The following ZBTB46 variants were observed in gnomAD, a reference collection of about 807,000 sequenced individuals.
ZBTB46 encodes zinc finger and BTB domain containing 46.
A neutral mutation model predicts 44.1 loss-of-function variants in ZBTB46; 8 were observed. The observed-to-expected ratio is 0.18, with a 90% CI of 0.11 to 0.33. The LOEUF (loss-of-function observed/expected upper bound fraction) is 0.33. ZBTB46 is among the 10% of genes least tolerant of loss of function. The pLI, the probability that ZBTB46 is intolerant of heterozygous loss-of-function variation, is 1.00. For missense variants in ZBTB46, 651 were observed against 847.7 expected, an observed-to-expected ratio of 0.77 and a Z score of 2.88; for synonymous variants, 409 against 382.3, an observed-to-expected ratio of 1.07 and a Z score of -0.81.
At chr20:63,811,333 TGAA>T (rs1258957699) in intron 1 of ZBTB46, among the ~76,000 whole-genome samples, 1 of 152,074 alleles carries the variant, frequency 6.6e-6, no homozygotes, top group Non-Finnish European at 1.5e-5. Context: ...TGGGTCTCCC[TGAA>T]GAAGAGTCAA....
intron 1 of ZBTB46, among the ~76,000 whole-genome samples, chr20:63,805,367 G>A (rs577621127): frequency 9.9e-5 from 15 of 152,256 alleles, no homozygotes; most frequent in African/African-American, 2.6e-4. Context: ...AGGCTGAGGC[G>A]GCAGAATCAC....
chr20:63,809,904 G>T (rs1291423864), intron 1 of ZBTB46, among the ~76,000 whole-genome samples: 1 of 151,766 alleles, frequency 6.6e-6, no homozygotes, highest in Non-Finnish European at 1.5e-5. Flanking sequence ...CGAGGTTGGA[G>T]TGAGCCAAGA....
intron 1 of ZBTB46, among the ~76,000 whole-genome samples, chr20:63,802,514 G>A (rs1181863400): frequency 5.3e-5 from 8 of 152,164 alleles, no homozygotes; most frequent in South Asian, 4.2e-4. Flanking sequence ...GGCACAAAGC[G>A]GCAGCGGCGG....
At position 63,789,918 on chromosome 20, in the gene ZBTB46, C is replaced by T. The variant is rs560145283; in HGVS notation, c.840G>A (p.Arg280=). ...RKNRKNKETV[R]HITQQVEDDS... is the part of the protein sequence containing the mutation. ...CATCTTCCACCTGCTGTGTGATGTG[C>T]CGGACGGTCTCTTTGTTTTTCCGAT... Residue 280 remains arginine (R), a synonymous_variant, in exon 2 of 5, where the codon CGG becomes CGA. Coordinates refer to ENST00000245663, the MANE Select transcript of ZBTB46 (RefSeq NM_001369741.1). 6.2e-7 allele frequency: 1 copy of T among 1,614,056 alleles called. No homozygotes were observed. The highest frequency in any genetic ancestry group is 1.1e-5 in the South Asian group (1 of 91,086).
At chr20:63,819,627 AGGTAAAC>A (rs1380218666) in intron 1 of ZBTB46, among the ~76,000 whole-genome samples, 5 of 152,210 alleles carry the variant, frequency 3.3e-5, no homozygotes, top group African/African-American at 4.8e-5. Context: ...GCCAGACCAG[AGGTAAAC>A]GGATTAAAAC....
intron 1 of ZBTB46, among the ~76,000 whole-genome samples, chr20:63,800,719 G>A (rs1227895695): frequency 6.6e-6 from 1 of 152,246 alleles, no homozygotes; most frequent in African/African-American, 2.4e-5. Context: ...TCCGCCAGCA[G>A]TGCCGGCCCA....
intron 4 of ZBTB46, among the ~76,000 whole-genome samples, chr20:63,749,587 T>G (rs560561318): frequency 2.6e-5 from 4 of 152,206 alleles, no homozygotes; most frequent in Non-Finnish European, 2.9e-5. Flanking sequence ...CTGCCCGCCT[T>G]GGCCTCCCAA....
intron 3 of ZBTB46, among the ~76,000 whole-genome samples, chr20:63,755,593 A>T (rs1170700477): frequency 1.3e-5 from 2 of 152,214 alleles, no homozygotes; most frequent in African/African-American, 4.8e-5. Flanking sequence ...CACATCCACA[A>T]GCTCTGAGGA....
chr20:63,806,060 C>T (rs1311129990), intron 1 of ZBTB46, among the ~76,000 whole-genome samples: 1 of 151,312 alleles, frequency 6.6e-6, no homozygotes, highest in Non-Finnish European at 1.5e-5. Flanking sequence ...CACGCATGAG[C>T]CACCATGCCC....
chr20:63,793,899 C>CT (rs1284849327), intron 1 of ZBTB46, among the ~76,000 whole-genome samples: 4 of 152,092 alleles, frequency 2.6e-5, no homozygotes, highest in Non-Finnish European at 5.9e-5. Flanking sequence ...AAAAAGTTAT[C>CT]TGTCAGGCCA....
intron 1 of ZBTB46, among the ~76,000 whole-genome samples, chr20:63,794,955 G>A (rs1228332611): frequency 6.6e-6 from 1 of 151,822 alleles, no homozygotes; most frequent in Non-Finnish European, 1.5e-5. Flanking sequence ...CGTGCGCGAG[G>A]TGCCCCTTCA....
At chr20:63,799,542 T>A (rs2092627895) in intron 1 of ZBTB46, among the ~76,000 whole-genome samples, 1 of 151,928 alleles carries the variant, frequency 6.6e-6, no homozygotes, top group Non-Finnish European at 1.5e-5. Context: ...GGGACAGGGT[T>A]TCGCCATGTT....
rs117150869 is a variant in ZBTB46 at position 63,799,331 on chromosome 20, C to T, written c.-33-8541G>A. ...CTGGGACTACAGGCGTGAGTCATCA[C>T]GTGTGGCCTGGTGAGACTAACTTTT... is the stretch of plus-strand genomic sequence containing the variant. On this transcript the variant is annotated intron_variant, in intron 1 of 4. Transcript: ENST00000245663. Among the ~76,000 whole-genome samples the T allele has an allele frequency of 7.9e-5, 12 of 151,814 alleles. No homozygotes were observed. The East Asian group carries it at 1.5e-3, about 20-fold the overall frequency.
At chr20:63,775,564 G>A (rs1049242368) in intron 3 of ZBTB46, 114 bp downstream of exon 3, 1 of 1,389,418 alleles carries the variant, frequency 7.2e-7, no homozygotes, top group Non-Finnish European at 9.6e-7. Context: ...AGGTCAGCAG[G>A]CGGCCGAGCA....
At chr20:63,789,701 G>A (rs1273896986) in intron 2 of ZBTB46, 120 bp downstream of exon 2, 28 of 1,476,370 alleles carry the variant, frequency 1.9e-5, no homozygotes, top group South Asian at 5.4e-5. Context: ...GTAAGAGGAA[G>A]TGACCCTAGA....
Position 63,746,610 on chromosome 20 carries a change from C to T in ZBTB46, c.*320G>A. The T allele has an allele frequency of 3.0e-6, 1 of 332,928 alleles. No homozygotes were observed. Among genetic ancestry groups the T allele is most frequent in the Non-Finnish European group, 5.5e-6 (1 of 182,930 alleles). The allele number at this position is 332,928 out of a possible 1,614,324, so 20.6% of individuals were successfully genotyped here. On this transcript the variant is annotated 3_prime_UTR_variant, in exon 5 of 5. Transcript: ENST00000245663. ...ACCCGGCCACAGGCCCATCACGTGT[C>T]CAAGCCAGGCTGGCCATCACAGGGG... is the stretch of plus-strand genomic sequence containing the variant.
At chr20:63,828,307 C>T (rs1191042580) in intron 1 of ZBTB46, among the ~76,000 whole-genome samples, 2 of 152,260 alleles carry the variant, frequency 1.3e-5, no homozygotes, top group African/African-American at 2.4e-5. Context: ...CACAGCTACG[C>T]CGCAGCCGCG....
At chr20:63,833,632 C>G (rs974313838), upstream of ZBTB46, among the ~76,000 whole-genome samples, 1 of 152,144 alleles carries the variant, frequency 6.6e-6, no homozygotes, top group African/African-American at 2.4e-5. Flanking sequence ...CTAGAATGAA[C>G]GGGGCGGATG....
chr20:63,772,997 C>G (rs905492544), intron 3 of ZBTB46, among the ~76,000 whole-genome samples: 10 of 152,176 alleles, frequency 6.6e-5, no homozygotes, highest in Non-Finnish European at 1.5e-4. Flanking sequence ...GCCAGGGCCA[C>G]CAAGGCCGAG....
Sources: gnomAD v4.1 joint callset for allele counts (sites outside exome capture counted in the v4.1 genomes callset) on GRCh38, gnomAD v4.1.1 for gene constraint, MANE v1.5 for transcripts, NCBI Gene and HGNC (gene_info 2026-07-23, HGNC 2026-07-21) for gene names.